Variants in MYO1D observed in about 807,000 individuals in gnomAD.
The protein encoded by MYO1D is unconventional myosin-Id.
Under a neutral mutation model 122.0 loss-of-function variants are expected in MYO1D, and 83 were observed. That is an observed-to-expected ratio of 0.68 (90% CI 0.57 to 0.82). The LOEUF (loss-of-function observed/expected upper bound fraction) is 0.82. Among genes scored for constraint, MYO1D ranks in the 40% least tolerant of loss-of-function variants. The pLI, the probability that MYO1D is intolerant of heterozygous loss-of-function variation, is 0.00. For missense variants in MYO1D, 1,157 were observed against 1,269.5 expected (o/e 0.91, Z 1.35); for synonymous variants, 464 against 446.9 (o/e 1.04, Z -0.48).
intron 1 of MYO1D, among the ~76,000 whole-genome samples, chr17:32,803,060 T>C (rs948006243): frequency 6.6e-6 from 1 of 152,158 alleles, no homozygotes; most frequent in South Asian, 2.1e-4. Flanking sequence ...GTGAGAAGCA[T>C]GAGCCCTGTA....
At chr17:32,567,234 C>T (rs1178884768) in intron 21 of MYO1D, among the ~76,000 whole-genome samples, 3 of 152,192 alleles carry the variant, frequency 2.0e-5, no homozygotes, top group Non-Finnish European at 4.4e-5. Flanking sequence ...CTTGTTTATC[C>T]TGTTCATGGC....
At chr17:32,602,879 T>G (rs1304844202) in intron 21 of MYO1D, among the ~76,000 whole-genome samples, 1 of 152,184 alleles carries the variant, frequency 6.6e-6, no homozygotes, top group Non-Finnish European at 1.5e-5. Flanking sequence ...ATGGCAATGA[T>G]ACGATAGTTG....
chr17:32,562,197 C>T (rs1472665615), intron 21 of MYO1D, among the ~76,000 whole-genome samples: 4 of 151,902 alleles, frequency 2.6e-5, no homozygotes, highest in Non-Finnish European at 5.9e-5. Flanking sequence ...GGTATTGCCA[C>T]GTTGCCCAGG....
At chr17:32,723,152 G>A (rs990972907) in intron 14 of MYO1D, among the ~76,000 whole-genome samples, 4 of 152,136 alleles carry the variant, frequency 2.6e-5, no homozygotes, top group Non-Finnish European at 5.9e-5. Flanking sequence ...AAGCTCCTGC[G>A]CTTGGACCCG....
chr17:32,559,229 T>C (rs57733259), intron 21 of MYO1D, among the ~76,000 whole-genome samples: 4,299 of 152,334 alleles, frequency 0.028, 90 homozygotes, highest in African/African-American at 0.051. Context: ...CCATATACAA[T>C]AGGGATCTCA....
chr17:32,775,651 A>G (rs1487478019), intron 4 of MYO1D, among the ~76,000 whole-genome samples: 2 of 152,188 alleles, frequency 1.3e-5, no homozygotes, highest in African/African-American at 4.8e-5. Context: ...CGCATAGCTA[A>G]ATCTATCTAC....
chr17:32,825,526 C>G (rs1273298164), intron 1 of MYO1D, among the ~76,000 whole-genome samples: 1 of 152,158 alleles, frequency 6.6e-6, no homozygotes, highest in African/African-American at 2.4e-5. Context: ...ATCTTGGGCT[C>G]AGGCGATCCA....
chr17:32,626,988 T>C (rs999481877), intron 20 of MYO1D, among the ~76,000 whole-genome samples: 13 of 152,218 alleles, frequency 8.5e-5, no homozygotes, highest in Non-Finnish European at 1.2e-4. Context: ...TCTAAATTTC[T>C]CTATAATATA....
intron 1 of MYO1D, among the ~76,000 whole-genome samples, chr17:32,840,249 T>C (rs1411687416): frequency 6.6e-6 from 1 of 152,220 alleles, no homozygotes; most frequent in African/African-American, 2.4e-5. Context: ...GGAAGCAGCC[T>C]GGAGGAAATG....
At chr17:32,587,548 G>T (rs1239204573) in intron 21 of MYO1D, among the ~76,000 whole-genome samples, 1 of 151,102 alleles carries the variant, frequency 6.6e-6, no homozygotes, top group African/African-American at 2.4e-5. Flanking sequence ...GCCAAATGGT[G>T]AATTCACCAA....
At chr17:32,715,660 GTATATTT>G (rs1208903247) in intron 15 of MYO1D, among the ~76,000 whole-genome samples, 1 of 151,854 alleles carries the variant, frequency 6.6e-6, no homozygotes, top group African/African-American at 2.4e-5. Context: ...ACAAAAATAT[GTATATTT>G]TATAAGTATA....
chr17:32,753,016 A>T (rs1186330361), intron 11 of MYO1D, among the ~76,000 whole-genome samples: 1 of 152,218 alleles, frequency 6.6e-6, no homozygotes, highest in Non-Finnish European at 1.5e-5. Flanking sequence ...GAAACAATCA[A>T]TCTAAGTGTC....
chr17:32,781,611 GT>G (rs1433993028), intron 1 of MYO1D, among the ~76,000 whole-genome samples: 1 of 151,696 alleles, frequency 6.6e-6, no homozygotes, highest in Admixed American at 6.6e-5. Context: ...GTACATAAGT[GT>G]GAAAAAATAT....
At chr17:32,706,949 G>GC (rs2089316892) in intron 16 of MYO1D, among the ~76,000 whole-genome samples, 2 of 152,068 alleles carry the variant, frequency 1.3e-5, no homozygotes, top group South Asian at 4.2e-4. Flanking sequence ...ACCCGCCTCG[G>GC]CCCCCCAAAG....
chr17:32,756,500 A>T (rs2089948753), intron 10 of MYO1D, among the ~76,000 whole-genome samples: 2 of 151,976 alleles, frequency 1.3e-5, no homozygotes, highest in African/African-American at 4.8e-5. Context: ...GCCTCATCCC[A>T]ATCAGATGTC....
chr17:32,565,401 C>T (rs1232564838), intron 21 of MYO1D, among the ~76,000 whole-genome samples: 3 of 152,198 alleles, frequency 2.0e-5, no homozygotes, highest in South Asian at 4.1e-4. Context: ...TTTTATGATG[C>T]AGCTCCCACC....
chr17:32,875,456 CTG>C (rs1266203733), intron 1 of MYO1D, among the ~76,000 whole-genome samples: 2 of 152,162 alleles, frequency 1.3e-5, no homozygotes, highest in Non-Finnish European at 2.9e-5. Flanking sequence ...GACGGGAAGA[CTG>C]AGGCACAGAG....
intron 1 of MYO1D, among the ~76,000 whole-genome samples, chr17:32,856,046 G>A (rs1022809482): frequency 6.6e-6 from 1 of 152,020 alleles, no homozygotes; most frequent in African/African-American, 2.4e-5. Context: ...ATGTATCTTA[G>A]TTGCCATCAA....
In MYO1D at chr17:32,780,764, T is replaced by C; in HGVS notation, c.116A>G (p.Tyr39Cys). ...LRLRFEKGRI[Y>C]TFIGEVVVSV... ...AACGACGACTTCTCCAATGAACGTA[T>C]AGATGCGCCCTTTTTCAAATCTGTA... The change falls in exon 2 of 22, where the codon TAT (tyrosine) becomes TGT (cysteine). Residue 39 changes from tyrosine (Y) to cysteine (C), a missense_variant. Physicochemically the swap from Tyr to Cys is radical, Grantham distance 194 (BLOSUM62 -2). Coordinates refer to ENST00000318217, the MANE Select transcript of MYO1D (RefSeq NM_015194.3). 1.9e-6 allele frequency: 3 copies of C among 1,614,160 alleles called. No homozygotes were observed. The highest frequency in any genetic ancestry group is 2.5e-6 in the Non-Finnish European group (3 of 1,180,026).
Sources: gnomAD v4.1 joint callset for allele counts (sites outside exome capture counted in the v4.1 genomes callset) on GRCh38, gnomAD v4.1.1 for gene constraint, MANE v1.5 for transcripts, NCBI Gene and HGNC (gene_info 2026-07-23, HGNC 2026-07-21) for gene names.